GLYATL1: variants seen among roughly 807,000 people sequenced by gnomAD.
The protein encoded by GLYATL1 is glycine N-acyltransferase-like protein 1.
A neutral mutation model predicts 20.0 loss-of-function variants in GLYATL1; 15 were observed. The ratio of observed to expected loss-of-function variants is 0.75; its 90% CI spans 0.50 to 1.15. The LOEUF (loss-of-function observed/expected upper bound fraction) is 1.15, where lower values mean the gene tolerates loss of function less well. Ranked by LOEUF, GLYATL1 falls within the 50% of genes most tolerant of loss-of-function variation. The pLI is 0.00. For synonymous variants in GLYATL1, 151 were observed against 131.5 expected (o/e 1.15, Z -1.01); for missense variants, 380 against 368.5 (o/e 1.03, Z -0.26).
chr11:58,921,423 G>A (rs1373291843), intron 1 of GLYATL1, among the ~76,000 whole-genome samples: 2 of 152,156 alleles, frequency 1.3e-5, no homozygotes, highest in Admixed American at 1.3e-4. Context: ...GTCTGTCTGA[G>A]ACCTCATATT....
At position 58,955,819 on chromosome 11, in the gene GLYATL1, G is replaced by T. The variant is rs772695973; in HGVS notation, c.701G>T (p.Ser234Ile). The change falls in exon 7 of 7, where the codon AGC becomes ATC. Residue 234 changes from serine to isoleucine, a missense_variant. Ser to Ile is a moderately radical substitution (Grantham distance 142). Transcript: ENST00000532726. The part of the protein sequence containing the change: ...DPSCEVGMAY[S>I]MEKYRRTGNM... The stretch of plus-strand genomic sequence containing the variant: ...TCTTGTGAAGTAGGAATGGCCTACA[G>T]CATGGAAAAATACCGAAGGACAGGC... 1.9e-6 allele frequency: 3 copies of T among 1,614,116 alleles called. No individual in the cohort carries two copies. In the Admixed American group the frequency reaches 5.0e-5, roughly 27 times the overall value.
At chr11:58,945,200 A>G (rs1400734769) in intron 2 of GLYATL1, among the ~76,000 whole-genome samples, 1 of 152,026 alleles carries the variant, frequency 6.6e-6, no homozygotes, top group Non-Finnish European at 1.5e-5. Context: ...GTACGCTTAA[A>G]AATGGTTAAA....
At position 58,919,628 on chromosome 11, in the gene GLYATL1, C is replaced by A. The variant is rs533515040; in HGVS notation, n.264+13967C>A. Among the ~76,000 whole-genome samples the A allele has an allele frequency of 1.2e-4, 18 of 152,190 alleles. No individual in the cohort carries two copies. In the South Asian group the frequency reaches 3.5e-3, roughly 30 times the overall value. On this transcript the variant is annotated intron_variant and non_coding_transcript_variant, in intron 1 of 2. Transcript: ENST00000534674. ...TGGGTGGGGAAAGCCTCAAACAACC[C>A]CGAAAAGGTACAAATAAACACCAAC... is the stretch of plus-strand genomic sequence containing the variant.
chr11:58,925,261 T>G (rs1326766930), upstream of GLYATL1, among the ~76,000 whole-genome samples: 2 of 152,244 alleles, frequency 1.3e-5, no homozygotes, highest in Non-Finnish European at 2.9e-5. Flanking sequence ...AACTGGATAC[T>G]TTTTTAAATT....
At chr11:58,943,269 G>T in intron 1 of GLYATL1, 1 of 1,539,486 alleles carries the variant, frequency 6.5e-7, no homozygotes, top group Non-Finnish European at 8.7e-7. Flanking sequence ...AATCCCAGCA[G>T]CCATACTTCA....
Position 58,954,782 on chromosome 11 carries a change from G to T in GLYATL1, c.199G>T (p.Asp67Tyr), listed in dbSNP as rs749722151. ...TCATCCAATACAGGAGATGACTGAT[G>T]ACATGGATTCATACACAAACGTATA... Reference protein sequence around the residue: ...IRPQKQEMTDDMDSYTNVYRM... With the variant: ...IRPQKQEMTDYMDSYTNVYRM... The change falls in exon 5 of 7, where the codon GAC becomes TAC. Residue 67 changes from aspartate to tyrosine, a missense_variant. Asp to Tyr is a radical substitution (Grantham distance 160). Coordinates refer to ENST00000532726, the MANE Select transcript of GLYATL1 (RefSeq NM_001389712.2). The T allele has an allele frequency of 3.1e-6, 5 of 1,605,166 alleles. No homozygotes were observed. In the Admixed American group the frequency reaches 6.9e-5, roughly 22 times the overall value.
chr11:58,943,718 C>A, intron 2 of GLYATL1, 52 bp downstream of exon 2: 1 of 1,598,436 alleles, frequency 6.3e-7, no homozygotes, highest in South Asian at 1.1e-5. Context: ...TTTGAGCTCT[C>A]TGAGTTGCTT....
chr11:58,923,080 T>C (rs910562928), upstream of GLYATL1, among the ~76,000 whole-genome samples: 2 of 152,164 alleles, frequency 1.3e-5, no homozygotes, highest in African/African-American at 4.8e-5. Context: ...TCTTCCTATT[T>C]CCTCCCAGTT....
At chr11:58,946,468 T>A (rs1856575591) in intron 2 of GLYATL1, among the ~76,000 whole-genome samples, 1 of 152,344 alleles carries the variant, frequency 6.6e-6, no homozygotes, top group African/African-American at 2.4e-5. Flanking sequence ...TTCTAAGAAT[T>A]CTGAATGATA....
intron 1 of GLYATL1, among the ~76,000 whole-genome samples, chr11:58,921,147 G>A (rs1855299618): frequency 6.6e-6 from 1 of 152,208 alleles, no homozygotes; most frequent in African/African-American, 2.4e-5. Context: ...GCTTAGGCAT[G>A]AGCAAGAAAT....
At chr11:58,920,866 T>C (rs142274985) in intron 1 of GLYATL1, among the ~76,000 whole-genome samples, 3 of 152,310 alleles carry the variant, frequency 2.0e-5, no homozygotes, top group African/African-American at 4.8e-5. Flanking sequence ...AGTTAGCACA[T>C]TGAAACAAGT....
intron 1 of GLYATL1, among the ~76,000 whole-genome samples, chr11:58,913,951 C>T (rs1855109347): frequency 6.6e-6 from 1 of 152,148 alleles, no homozygotes; most frequent in Non-Finnish European, 1.5e-5. Context: ...AAACTTGGAA[C>T]TCTCTAAGGA....
chr11:58,911,799 G>A (rs181299181), downstream of GLYATL1, among the ~76,000 whole-genome samples: 21 of 152,146 alleles, frequency 1.4e-4, no homozygotes, highest in Admixed American at 3.3e-4. Context: ...TTCTGTTTTG[G>A]GAGGGAAAAG....
chr11:58,910,583 G>A (rs1040632477), downstream of GLYATL1, among the ~76,000 whole-genome samples: 1 of 152,062 alleles, frequency 6.6e-6, no homozygotes, highest in East Asian at 1.9e-4. Context: ...ACTAGTCTAC[G>A]GCATCCACTT....
chr11:58,908,006 T>C (rs1039953649), exon 2 of GLYATL1: 6 of 153,246 alleles, frequency 3.9e-5, no homozygotes, highest in African/African-American at 1.4e-4. Flanking sequence ...CCGATAGTTC[T>C]TTTCCTGTTC....
At chr11:58,948,264 A>AGTGTCACTTTTCAAATAGGCTGAT (rs1856727318) in intron 4 of GLYATL1, among the ~76,000 whole-genome samples, 1 of 152,184 alleles carries the variant, frequency 6.6e-6, no homozygotes, top group Non-Finnish European at 1.5e-5. Context: ...AAAGGAGGCC[A>AGTGTCACTTTTCAAATAGGCTGAT]ATTTACAGGG....
chr11:58,940,673 G>A (rs528860992), intron 1 of GLYATL1, among the ~76,000 whole-genome samples: 128 of 152,254 alleles, frequency 8.4e-4, no homozygotes, highest in African/African-American at 2.8e-3. Flanking sequence ...ATACATTTTT[G>A]TCTGGGTTTT....
chr11:58,939,152 G>A (rs759592759), upstream of GLYATL1, among the ~76,000 whole-genome samples: 2 of 152,152 alleles, frequency 1.3e-5, no homozygotes, highest in Non-Finnish European at 2.9e-5. Context: ...CCCTCAAAAA[G>A]TATCAAAGAA....
intron 1 of GLYATL1, among the ~76,000 whole-genome samples, chr11:58,932,060 C>T (rs567368532): frequency 1.9e-4 from 24 of 125,544 alleles, no homozygotes; most frequent in African/African-American, 2.5e-4. Flanking sequence ...TGCAGTGAAC[C>T]GAGATCACAC....
Sources: gnomAD v4.1 joint callset for allele counts (sites outside exome capture counted in the v4.1 genomes callset) on GRCh38, gnomAD v4.1.1 for gene constraint, MANE v1.5 for transcripts, NCBI Gene and HGNC (gene_info 2026-07-23, HGNC 2026-07-21) for gene names.